PDE4D: variants seen among roughly 807,000 people sequenced by gnomAD.
The protein encoded by PDE4D is 3',5'-cyclic-AMP phosphodiesterase 4D.
Under a neutral mutation model 87.4 loss-of-function variants are expected in PDE4D, and 24 were observed. The ratio of observed to expected loss-of-function variants is 0.27; its 90% CI spans 0.20 to 0.39. The LOEUF (loss-of-function observed/expected upper bound fraction) is 0.39, where lower values mean the gene tolerates loss of function less well. Ranked by LOEUF, PDE4D falls within the 10% of genes least tolerant of loss-of-function variation. The pLI, the probability that PDE4D is intolerant of heterozygous loss-of-function variation, is 1.00. For synonymous variants in PDE4D, 384 were observed against 383.2 expected (o/e 1.00, Z -0.02); for missense variants, 714 against 1,041.0 (o/e 0.69, Z 4.32).
intron 2 of PDE4D, among the ~76,000 whole-genome samples, chr5:59,203,754 C>G (rs530077292): frequency 6.6e-6 from 1 of 151,992 alleles, no homozygotes; most frequent in African/African-American, 2.4e-5. Context: ...AAGATAAATA[C>G]CATGTGATCT....
Position 60,261,719 on chromosome 5 carries a change from C to T in PDE4D, c.-89-76032G>A, listed in dbSNP as rs569716107. 5.9e-5 allele frequency among the ~76,000 whole-genome samples: 9 copies of T among 152,160 alleles called. No homozygotes were observed. In the South Asian group the frequency reaches 1.7e-3, roughly 28 times the overall value. On this transcript the variant is annotated intron_variant, in intron 1 of 16. Transcript: ENST00000502484. ...TTTAAAAAAATCAATTTGCATTGATCGGGCTTAAGTCCTCCTGTAAGTACT... is the reference window on the plus strand; with the variant it reads ...TTTAAAAAAATCAATTTGCATTGATTGGGCTTAAGTCCTCCTGTAAGTACT...
At chr5:59,156,216 G>T (rs570191431) in intron 5 of PDE4D, among the ~76,000 whole-genome samples, 5 of 151,754 alleles carry the variant, frequency 3.3e-5, no homozygotes, top group African/African-American at 1.2e-4. Context: ...GATGGCAAGA[G>T]ATTCGAGAGA....
intron 1 of PDE4D, among the ~76,000 whole-genome samples, chr5:59,265,117 G>A (rs79860229): frequency 0.022 from 3,387 of 152,054 alleles, 63 homozygotes; most frequent in Non-Finnish European, 0.037. Flanking sequence ...TGTGATTACC[G>A]TAGGACCAAG....
chr5:60,227,752 T>C (rs919695027), intron 1 of PDE4D, among the ~76,000 whole-genome samples: 4 of 152,088 alleles, frequency 2.6e-5, no homozygotes, highest in Admixed American at 6.6e-5. Context: ...ACACAAAGGA[T>C]AGATTTATTT....
chr5:60,453,013 C>T (rs1476788444), intron 1 of PDE4D, among the ~76,000 whole-genome samples: 2 of 151,940 alleles, frequency 1.3e-5, no homozygotes, highest in African/African-American at 4.8e-5. Context: ...GGTCAAATTA[C>T]CTTTAGGATT....
At chr5:59,860,767 G>A (rs1388410426) in intron 1 of PDE4D, among the ~76,000 whole-genome samples, 1 of 151,760 alleles carries the variant, frequency 6.6e-6, no homozygotes, top group Non-Finnish European at 1.5e-5. Context: ...TCTCATTCAA[G>A]ATACTACCCT....
At chr5:59,175,357 C>T (rs1340147707) in intron 5 of PDE4D, among the ~76,000 whole-genome samples, 4 of 152,020 alleles carry the variant, frequency 2.6e-5, no homozygotes, top group Non-Finnish European at 5.9e-5. Context: ...CTCTATTCTA[C>T]CAGTTTTTAA....
chr5:60,502,416 T>C (rs1332744367), intron 1 of PDE4D, among the ~76,000 whole-genome samples: 1 of 152,246 alleles, frequency 6.6e-6, no homozygotes, highest in Admixed American at 6.5e-5. Context: ...CCTTGTAGTA[T>C]AGTTTGAAGT....
At chr5:59,768,620 A>T in intron 1 of PDE4D, 1 of 1,535,244 alleles carries the variant, frequency 6.5e-7, no homozygotes, top group Admixed American at 1.9e-5. Flanking sequence ...CTGTTAGTGC[A>T]TTCAGTCGCC....
intron 1 of PDE4D, among the ~76,000 whole-genome samples, chr5:59,862,142 C>G (rs1746372777): frequency 6.6e-6 from 1 of 152,140 alleles, no homozygotes; most frequent in African/African-American, 2.4e-5. Context: ...ACTGGCCGCT[C>G]CTACTCTTCC....
chr5:59,876,459 A>C (rs1748619783), intron 1 of PDE4D, among the ~76,000 whole-genome samples: 1 of 152,138 alleles, frequency 6.6e-6, no homozygotes, highest in Non-Finnish European at 1.5e-5. Flanking sequence ...TAAGATTTCC[A>C]TCTCTTTATT....
intron 1 of PDE4D, among the ~76,000 whole-genome samples, chr5:60,319,005 G>A (rs1036067015): frequency 2.0e-5 from 3 of 152,112 alleles, no homozygotes; most frequent in Admixed American, 6.5e-5. Flanking sequence ...AGCATTTTCT[G>A]TATTTCCTGA....
chr5:59,322,753 G>A (rs765719744), intron 1 of PDE4D, among the ~76,000 whole-genome samples: 5 of 152,030 alleles, frequency 3.3e-5, no homozygotes, highest in Non-Finnish European at 5.9e-5. Context: ...ACAAAGTATT[G>A]AACATTTCTA....
At position 59,150,730 on chromosome 5, in the gene PDE4D, C is replaced by A. The variant is rs1779356969; in HGVS notation, c.808+29865G>T. Among the ~76,000 whole-genome samples the A allele has an allele frequency of 3.9e-5, 6 of 152,134 alleles. No individual in the cohort carries two copies. The South Asian group carries it at 1.2e-3, about 32-fold the overall frequency. ...GCCAATAATCTATAATATTTAACCACAGTGGAAAGTTACCTCATTGTATTT... is the reference window on the plus strand; with the variant it reads ...GCCAATAATCTATAATATTTAACCAAAGTGGAAAGTTACCTCATTGTATTT... On this transcript the variant is annotated intron_variant, in intron 5 of 14. Transcript: ENST00000340635.
intron 5 of PDE4D, chr5:59,179,520 T>C (rs1561641688): frequency 3.1e-6 from 1 of 323,702 alleles, no homozygotes; most frequent in South Asian, 2.5e-5. Context: ...GAAGAAGAGA[T>C]CAATAATTTA....
chr5:59,596,583 C>T (rs1018743910), intron 1 of PDE4D, among the ~76,000 whole-genome samples: 9 of 151,706 alleles, frequency 5.9e-5, no homozygotes, highest in African/African-American at 2.2e-4. Context: ...GACTCAGAGT[C>T]CTTATTATCT....
intron 2 of PDE4D, among the ~76,000 whole-genome samples, chr5:60,048,908 G>A (rs1769700276): frequency 6.6e-6 from 1 of 152,036 alleles, no homozygotes; most frequent in South Asian, 2.1e-4. Flanking sequence ...TCTGAATTTT[G>A]GCCTGCCTTG....
intron 1 of PDE4D, among the ~76,000 whole-genome samples, chr5:59,351,883 T>C (rs1045195006): frequency 6.6e-6 from 1 of 152,136 alleles, no homozygotes; most frequent in Non-Finnish European, 1.5e-5. Flanking sequence ...AGGAAGATAG[T>C]ACATCTGTTA....
intron 1 of PDE4D, among the ~76,000 whole-genome samples, chr5:60,387,382 CTT>C (rs1762259275): frequency 6.6e-6 from 1 of 152,196 alleles, no homozygotes; most frequent in Admixed American, 6.5e-5. Flanking sequence ...TTTTGTGAGA[CTT>C]TTGTGTATAT....
Sources: gnomAD v4.1 joint callset for allele counts (sites outside exome capture counted in the v4.1 genomes callset) on GRCh38, gnomAD v4.1.1 for gene constraint, MANE v1.5 for transcripts, NCBI Gene and HGNC (gene_info 2026-07-23, HGNC 2026-07-21) for gene names.